The following FSTL4 variants were observed in gnomAD, a reference collection of about 807,000 sequenced individuals.
FSTL4 encodes follistatin-related protein 4.
Under a neutral mutation model 78.2 loss-of-function variants are expected in FSTL4, and 28 were observed. The ratio of observed to expected loss-of-function variants is 0.36; its 90% CI spans 0.27 to 0.49. The LOEUF is 0.49. Ranked by LOEUF, FSTL4 falls within the 20% of genes least tolerant of loss-of-function variation. FSTL4 has a pLI of 0.98. For synonymous variants in FSTL4, 422 were observed against 440.5 expected (o/e 0.96, Z 0.53); for missense variants, 922 against 1,084.9 (o/e 0.85, Z 2.11).
chr5:133,747,045 A>G, the FSTL4 span, among the ~76,000 whole-genome samples: 1 of 152,156 alleles, frequency 6.6e-6, no homozygotes, highest in East Asian at 1.9e-4. Context: ...GGAGATGAGA[A>G]GCTTCTCTTC....
At chr5:133,482,978 C>T (rs964986864) in intron 3 of FSTL4, among the ~76,000 whole-genome samples, 2 of 152,102 alleles carry the variant, frequency 1.3e-5, no homozygotes, top group Non-Finnish European at 2.9e-5. Context: ...TTGGCTGTGT[C>T]CCCACCCAAA....
At chr5:133,708,983 C>T in the FSTL4 span, among the ~76,000 whole-genome samples, 1 of 152,178 alleles carries the variant, frequency 6.6e-6, no homozygotes, top group South Asian at 2.1e-4. Context: ...ACATAGTAGG[C>T]ATTCAATAAA....
chr5:133,788,679 A>C, the FSTL4 span, among the ~76,000 whole-genome samples: 1 of 152,182 alleles, frequency 6.6e-6, no homozygotes, highest in African/African-American at 2.4e-5. Context: ...GACCATGCTC[A>C]TTGTTCTTGT....
At chr5:133,627,323 T>A in the FSTL4 span, among the ~76,000 whole-genome samples, 1 of 152,164 alleles carries the variant, frequency 6.6e-6, no homozygotes, top group East Asian at 1.9e-4. Flanking sequence ...GCAAAGGATG[T>A]CTTACATAGC....
intron 6 of FSTL4, among the ~76,000 whole-genome samples, chr5:133,297,137 T>C (rs529431080): frequency 2.0e-5 from 3 of 152,344 alleles, no homozygotes; most frequent in South Asian, 2.1e-4. Flanking sequence ...TGTCAAATAG[T>C]GTTACCAAAA....
At chr5:133,442,976 T>G (rs966171) in intron 3 of FSTL4, among the ~76,000 whole-genome samples, 4,606 of 152,352 alleles carry the variant, frequency 0.03, 218 homozygotes, top group African/African-American at 0.1. Flanking sequence ...AAGTCAAATC[T>G]GGTGATTTTT....
intron 8 of FSTL4, among the ~76,000 whole-genome samples, chr5:133,226,598 G>T (rs1178950948): frequency 1.3e-5 from 2 of 152,222 alleles, no homozygotes; most frequent in African/African-American, 4.8e-5. Context: ...TAGTGGAATT[G>T]AGGGTTCTTC....
the FSTL4 span, among the ~76,000 whole-genome samples, chr5:133,623,091 T>C: frequency 2.2e-3 from 286 of 130,336 alleles, 2 homozygotes; most frequent in African/African-American, 7.0e-3. Context: ...GATGAGGTCT[T>C]TTTTTTTTTC....
the FSTL4 span, among the ~76,000 whole-genome samples, chr5:133,764,862 A>G: frequency 0.55 from 84,300 of 152,034 alleles, 23,779 homozygotes; most frequent in Non-Finnish European, 0.61. Flanking sequence ...AAGATAAAAG[A>G]GTAGAAGAAA....
intron 3 of FSTL4, among the ~76,000 whole-genome samples, chr5:133,553,849 G>A (rs1759735269): frequency 6.6e-6 from 1 of 152,134 alleles, no homozygotes; most frequent in African/African-American, 2.4e-5. Context: ...GGGATATGTT[G>A]GACACTGTGC....
chr5:133,288,778 CCT>C (rs1339073591), intron 6 of FSTL4, among the ~76,000 whole-genome samples: 2 of 152,202 alleles, frequency 1.3e-5, no homozygotes, highest in Non-Finnish European at 2.9e-5. Context: ...AGTGGCAGCC[CCT>C]GTCAGGACAG....
the FSTL4 span, among the ~76,000 whole-genome samples, chr5:133,640,044 CA>C: frequency 6.6e-6 from 1 of 152,172 alleles, no homozygotes; most frequent in East Asian, 1.9e-4. Flanking sequence ...TAAGCAAACA[CA>C]AAAGTAACAA....
intron 2 of FSTL4, among the ~76,000 whole-genome samples, chr5:133,582,220 G>A (rs865981338): frequency 6.6e-6 from 1 of 152,138 alleles, no homozygotes. Context: ...GAAGCCTCCT[G>A]GTGACATGGA....
At chr5:133,256,212 C>T (rs1189170738) in intron 6 of FSTL4, among the ~76,000 whole-genome samples, 1 of 152,174 alleles carries the variant, frequency 6.6e-6, no homozygotes, top group Admixed American at 6.5e-5. Flanking sequence ...ACAGGCCAGG[C>T]GCTTAGACAC....
chr5:133,388,854 AT>A (rs1287910335), intron 4 of FSTL4, among the ~76,000 whole-genome samples: 1 of 148,228 alleles, frequency 6.7e-6, no homozygotes, highest in Admixed American at 6.7e-5. Context: ...TATTTTTTAA[AT>A]CTTCTTCTCA....
the FSTL4 span, among the ~76,000 whole-genome samples, chr5:133,657,671 A>G: frequency 1.3e-5 from 2 of 151,950 alleles, no homozygotes; most frequent in Admixed American, 6.6e-5. Flanking sequence ...TGTTTATATA[A>G]TTCAAAATGT....
chr5:133,467,990 C>T (rs568770753), intron 3 of FSTL4, among the ~76,000 whole-genome samples: 1 of 152,328 alleles, frequency 6.6e-6, no homozygotes, highest in South Asian at 2.1e-4. Flanking sequence ...ACACAGGAGG[C>T]GCCTGGCAGA....
At chr5:133,276,216 A>T (rs913899413) in intron 6 of FSTL4, among the ~76,000 whole-genome samples, 1 of 152,198 alleles carries the variant, frequency 6.6e-6, no homozygotes, top group Non-Finnish European at 1.5e-5. Context: ...GAAGCCATAG[A>T]GGGTGCTCAC....
chr5:133,798,760 A>G, the FSTL4 span, among the ~76,000 whole-genome samples: 1 of 152,040 alleles, frequency 6.6e-6, no homozygotes, highest in Non-Finnish European at 1.5e-5. Flanking sequence ...GGGCTCCTAC[A>G]GCCCTGTACT....
Sources: gnomAD v4.1 joint callset for allele counts (sites outside exome capture counted in the v4.1 genomes callset) on GRCh38, gnomAD v4.1.1 for gene constraint, MANE v1.5 for transcripts, NCBI Gene and HGNC (gene_info 2026-07-23, HGNC 2026-07-21) for gene names.